The following ADAMTSL1 variants were observed in gnomAD, a reference collection of about 807,000 sequenced individuals.
ADAMTSL1 encodes the protein ADAMTS like 1.
ADAMTSL1 carries 126 observed loss-of-function variants against 201.8 expected under a neutral mutation model. The observed-to-expected ratio is 0.62, with a 90% CI of 0.54 to 0.72. ADAMTSL1 has a LOEUF of 0.72. ADAMTSL1 is among the 30% of genes least tolerant of loss of function. The pLI is 0.00. For missense variants in ADAMTSL1, 2,679 were observed against 2,277.8 expected, an observed-to-expected ratio of 1.18 and a Z score of -3.59; for synonymous variants, 1,121 against 903.4, an observed-to-expected ratio of 1.24 and a Z score of -4.32.
At chr9:18,117,837 T>C (rs1479237276) in intron 1 of ADAMTSL1, among the ~76,000 whole-genome samples, 1 of 152,146 alleles carries the variant, frequency 6.6e-6, no homozygotes, top group East Asian at 1.9e-4. Context: ...CATTGGACCT[T>C]TCTAATAAAA....
At chr9:18,806,218 A>C (rs1823108109) in intron 20 of ADAMTSL1, among the ~76,000 whole-genome samples, 1 of 152,262 alleles carries the variant, frequency 6.6e-6, no homozygotes, top group Non-Finnish European at 1.5e-5. Flanking sequence ...ATGATGGGTA[A>C]AATATGATAG....
At chr9:18,167,538 T>A (rs879460920) in intron 2 of ADAMTSL1, among the ~76,000 whole-genome samples, 3 of 151,920 alleles carry the variant, frequency 2.0e-5, no homozygotes, top group Non-Finnish European at 2.9e-5. Context: ...AATAAAAAAA[T>A]GCAATTTACT....
rs375714859 is a variant in ADAMTSL1, at chr9:18,753,415, T to C, written c.2124T>C (p.Ala708=). Residue 708 remains alanine (A), a synonymous_variant, in exon 16 of 29, where the codon GCT becomes GCC. Transcript: ENST00000380548. The part of the protein sequence containing the change: ...SREMNETVIL[A]DELCRQPKPS... ...AGATGAATGAAACAGTCATCCTGGC[T>C]GATGAGCTGTGTCGCCAGCCCAAGC... 6.2e-7 allele frequency: 1 copy of C among 1,613,204 alleles called. No individual in the cohort carries two copies. The highest frequency in any genetic ancestry group is 1.3e-5 in the African/African-American group (1 of 74,914).
intron 2 of ADAMTSL1, among the ~76,000 whole-genome samples, chr9:18,526,381 G>A (rs202132881): frequency 1.3e-5 from 2 of 152,084 alleles, no homozygotes; most frequent in Admixed American, 6.5e-5. Flanking sequence ...ATGGATCTTG[G>A]CTCTTTATCC....
chr9:18,641,731 C>T (rs1827452750), intron 7 of ADAMTSL1, among the ~76,000 whole-genome samples: 1 of 151,770 alleles, frequency 6.6e-6, no homozygotes. Context: ...TCTAGTACTT[C>T]GTAATGAAAC....
At chr9:18,146,739 T>G (rs1343148132) in intron 1 of ADAMTSL1, among the ~76,000 whole-genome samples, 1 of 152,190 alleles carries the variant, frequency 6.6e-6, no homozygotes, top group African/African-American at 2.4e-5. Flanking sequence ...TGTGGTAGTG[T>G]GCCCTTATAA....
chr9:18,837,813 C>T (rs1037024192), intron 23 of ADAMTSL1, among the ~76,000 whole-genome samples: 2 of 152,080 alleles, frequency 1.3e-5, no homozygotes, highest in Non-Finnish European at 2.9e-5. Context: ...CCTATCTGCC[C>T]CTTTACAGAA....
chr9:18,703,526 A>C (rs1181038338), intron 13 of ADAMTSL1, among the ~76,000 whole-genome samples: 1 of 151,932 alleles, frequency 6.6e-6, no homozygotes, highest in Non-Finnish European at 1.5e-5. Flanking sequence ...AATTGTTTTT[A>C]ATTGGTGTGA....
intron 1 of ADAMTSL1, among the ~76,000 whole-genome samples, chr9:18,119,803 A>C (rs1481862742): frequency 6.6e-6 from 1 of 152,052 alleles, no homozygotes; most frequent in Non-Finnish European, 1.5e-5. Context: ...CTTTGCCAAA[A>C]CTGCTCAATG....
At chr9:18,896,954 G>A (rs995865420) in intron 26 of ADAMTSL1, among the ~76,000 whole-genome samples, 2 of 152,162 alleles carry the variant, frequency 1.3e-5, no homozygotes, top group East Asian at 1.9e-4. Flanking sequence ...GCTGCCTGCC[G>A]AGTGCATCAG....
chr9:18,844,308 C>G (rs113487035), intron 23 of ADAMTSL1, among the ~76,000 whole-genome samples: 38 of 152,140 alleles, frequency 2.5e-4, no homozygotes, highest in African/African-American at 8.7e-4. Flanking sequence ...CACTCCAGAC[C>G]CTGTTTGCCT....
rs942092446 is a variant in ADAMTSL1, at chr9:18,153,978, G to A, written c.88-9884G>A. Among the ~76,000 whole-genome samples, 5 of 152,080 alleles carry A rather than the reference G, an allele frequency of 3.3e-5. No homozygotes were observed. In the East Asian group the frequency reaches 7.8e-4, roughly 24 times the overall value. The stretch of plus-strand genomic sequence containing the variant: ...GCATACAGGGAAATTCTGGCAGCAG[G>A]TAATTTTGAGATTTATAGCATCAGA... On this transcript the variant is annotated intron_variant, in intron 1 of 29. Transcript: ENST00000680146.
At chr9:18,678,996 A>G (rs1830289260) in intron 10 of ADAMTSL1, among the ~76,000 whole-genome samples, 1 of 152,284 alleles carries the variant, frequency 6.6e-6, no homozygotes, top group African/African-American at 2.4e-5. Context: ...GGAAATACAC[A>G]TAGGAAAATA....
intron 23 of ADAMTSL1, among the ~76,000 whole-genome samples, chr9:18,886,959 C>G (rs934906150): frequency 6.6e-6 from 1 of 152,194 alleles, no homozygotes; most frequent in Non-Finnish European, 1.5e-5. Flanking sequence ...ATTATCTTAA[C>G]TGTCCCCAGA....
At chr9:17,927,424 GTA>G (rs1392048632) in intron 1 of ADAMTSL1, among the ~76,000 whole-genome samples, 1 of 151,606 alleles carries the variant, frequency 6.6e-6, no homozygotes, top group South Asian at 2.1e-4. Context: ...GTATATACAT[GTA>G]TACATATATG....
At chr9:18,180,950 G>A (rs1415910072) in intron 2 of ADAMTSL1, among the ~76,000 whole-genome samples, 1 of 152,120 alleles carries the variant, frequency 6.6e-6, no homozygotes, top group Non-Finnish European at 1.5e-5. Flanking sequence ...ATTGATCAAT[G>A]GAACAGAACA....
At chr9:18,705,666 C>G (rs1300171440) in intron 13 of ADAMTSL1, among the ~76,000 whole-genome samples, 1 of 152,128 alleles carries the variant, frequency 6.6e-6, no homozygotes, top group Non-Finnish European at 1.5e-5. Flanking sequence ...CAGACTAATT[C>G]AAAGAATGTG....
At chr9:18,361,610 A>C (rs539368619) in intron 2 of ADAMTSL1, among the ~76,000 whole-genome samples, 2 of 152,318 alleles carry the variant, frequency 1.3e-5, no homozygotes, top group South Asian at 4.1e-4. Context: ...CTCCGAAGCC[A>C]CTTCTTTTTT....
intron 3 of ADAMTSL1, among the ~76,000 whole-genome samples, chr9:18,535,919 C>G (rs146245578): frequency 6.6e-6 from 1 of 152,108 alleles, no homozygotes; most frequent in Non-Finnish European, 1.5e-5. Context: ...GGAAGTACAA[C>G]TTAAGATGAG....
Sources: gnomAD v4.1 joint callset for allele counts (sites outside exome capture counted in the v4.1 genomes callset) on GRCh38, gnomAD v4.1.1 for gene constraint, MANE v1.5 for transcripts, NCBI Gene and HGNC (gene_info 2026-07-23, HGNC 2026-07-21) for gene names.